The following CAV1 variants were observed in gnomAD, a reference collection of about 807,000 sequenced individuals.
CAV1 encodes the protein caveolin-1.
CAV1 carries 10 observed loss-of-function variants against 16.5 expected under a neutral mutation model. That is an observed-to-expected ratio of 0.61 (90% confidence interval 0.37 to 1.03). CAV1 has a LOEUF of 1.03. Among genes scored for constraint, CAV1 ranks in the 50% least tolerant of loss-of-function variants. The pLI is 0.01. For synonymous variants in CAV1, 76 were observed against 85.1 expected (o/e 0.89, Z 0.59); for missense variants, 212 against 232.8 (o/e 0.91, Z 0.58).
rs1793525174 is a variant in CAV1, at chr7:116,525,052, C to G, written c.-11C>G. On this transcript the variant is annotated 5_prime_UTR_variant, in exon 1 of 3. Transcript: ENST00000341049. ...AACCTCCTCACAGTTTTCATCCAGC[C>G]ACGGGCCAGCATGTCTGGGGGCAAA... The G allele has an allele frequency of 1.2e-6, 2 of 1,614,098 alleles. No individual in the cohort carries two copies. Among genetic ancestry groups the G allele is most frequent in the Non-Finnish European group, 1.7e-6 (2 of 1,180,040 alleles).
intron 2 of CAV1, among the ~76,000 whole-genome samples, chr7:116,537,602 T>G (rs4730750): frequency 0.019 from 2,900 of 152,298 alleles, 45 homozygotes; most frequent in Admixed American, 0.031. Flanking sequence ...ACCACTGTCC[T>G]CCAGTGCCTC....
At chr7:116,541,751 CT>C (rs1353928011) in intron 2 of CAV1, among the ~76,000 whole-genome samples, 92 of 33,858 alleles carry the variant, frequency 2.7e-3, no homozygotes, top group African/African-American at 0.011. Context: ...GAGAGCCTGC[CT>C]CAAAAAAAAA....
chr7:116,551,141 A>AC (rs1371147028), intron 2 of CAV1, among the ~76,000 whole-genome samples: 1 of 152,162 alleles, frequency 6.6e-6, no homozygotes, highest in African/African-American at 2.4e-5. Flanking sequence ...CCCAGGCCCC[A>AC]CCCCAAAGAG....
chr7:116,525,632 G>A (rs1793541400), intron 1 of CAV1: 1 of 1,120,344 alleles, frequency 8.9e-7, no homozygotes, highest in Admixed American at 4.6e-5. Flanking sequence ...TGGCAGGGGT[G>A]TTCCGAGAGA....
intron 2 of CAV1, among the ~76,000 whole-genome samples, chr7:116,556,213 A>G (rs1215760829): frequency 2.6e-5 from 4 of 152,224 alleles, no homozygotes; most frequent in Non-Finnish European, 5.9e-5. Context: ...GCTTAGAAAA[A>G]TAGAATTATT....
intron 1 of CAV1, 157 bp downstream of exon 1, chr7:116,525,249 C>A (rs750761097): frequency 1.2e-6 from 2 of 1,605,448 alleles, no homozygotes; most frequent in Non-Finnish European, 1.7e-6. Flanking sequence ...TGGGCCTGGG[C>A]GGGGAGGTGA....
intron 2 of CAV1, among the ~76,000 whole-genome samples, chr7:116,550,245 T>C (rs1794130942): frequency 6.6e-6 from 1 of 152,168 alleles, no homozygotes; most frequent in African/African-American, 2.4e-5. Context: ...CCCACATTTT[T>C]GCCCTCTTCC....
chr7:116,529,807 CA>C (rs561579747), intron 2 of CAV1, among the ~76,000 whole-genome samples: 28 of 152,246 alleles, frequency 1.8e-4, no homozygotes, highest in African/African-American at 6.5e-4. Context: ...GACATTTACC[CA>C]AAAATATTAA....
intron 2 of CAV1, among the ~76,000 whole-genome samples, chr7:116,555,518 A>AAG (rs1187575266): frequency 0.013 from 181 of 14,040 alleles, 48 homozygotes; most frequent in Admixed American, 0.02. Context: ...GAAAGAAAGA[A>AAG]AGAGAGAGAG....
intron 2 of CAV1, among the ~76,000 whole-genome samples, chr7:116,556,593 A>C (rs1032139092): frequency 6.6e-6 from 1 of 152,206 alleles, no homozygotes; most frequent in Non-Finnish European, 1.5e-5. Context: ...AAATGAGAAC[A>C]GTGTCTGATC....
At chr7:116,547,528 G>C (rs1347800674) in intron 2 of CAV1, among the ~76,000 whole-genome samples, 3 of 152,154 alleles carry the variant, frequency 2.0e-5, no homozygotes, top group African/African-American at 4.8e-5. Flanking sequence ...CATCTCCCTG[G>C]GGTACATTTG....
chr7:116,531,512 G>T (rs1793685777), intron 2 of CAV1, among the ~76,000 whole-genome samples: 1 of 152,140 alleles, frequency 6.6e-6, no homozygotes, highest in African/African-American at 2.4e-5. Context: ...AGCAATTGGT[G>T]ATTAATATCA....
intron 2 of CAV1, among the ~76,000 whole-genome samples, chr7:116,536,246 G>A (rs1793811192): frequency 6.6e-6 from 1 of 152,048 alleles, no homozygotes; most frequent in African/African-American, 2.4e-5. Flanking sequence ...TATGGACTGG[G>A]CTGCGATATC....
At chr7:116,547,744 A>G (rs565878348) in intron 2 of CAV1, among the ~76,000 whole-genome samples, 2 of 152,124 alleles carry the variant, frequency 1.3e-5, no homozygotes, top group African/African-American at 4.8e-5. Flanking sequence ...ACACCTCTCC[A>G]CTTCCGGTTG....
chr7:116,554,986 A>G (rs1014456433), intron 2 of CAV1, among the ~76,000 whole-genome samples: 3 of 152,198 alleles, frequency 2.0e-5, no homozygotes, highest in African/African-American at 7.2e-5. Context: ...CCCCGGCAGT[A>G]TTCTCATCTG....
chr7:116,526,822 A>G, intron 2 of CAV1, 133 bp downstream of exon 2: 1 of 1,057,274 alleles, frequency 9.5e-7, no homozygotes, highest in Non-Finnish European at 1.4e-6. Flanking sequence ...ACACACACAC[A>G]GAGTTTTGTG....
chr7:116,534,962 C>T (rs1272475653), intron 2 of CAV1, among the ~76,000 whole-genome samples: 1 of 152,104 alleles, frequency 6.6e-6, no homozygotes, highest in Non-Finnish European at 1.5e-5. Flanking sequence ...AGTTTTGAAA[C>T]ACTGTGGAGG....
intron 2 of CAV1, among the ~76,000 whole-genome samples, chr7:116,541,737 G>C (rs1444241325): frequency 1.5e-5 from 2 of 137,300 alleles, no homozygotes; most frequent in Admixed American, 1.5e-4. Flanking sequence ...CTGGGCAACC[G>C]AGTGAGAGCC....
At chr7:116,544,370 A>T (rs1584778210) in intron 2 of CAV1, among the ~76,000 whole-genome samples, 1 of 152,170 alleles carries the variant, frequency 6.6e-6, no homozygotes, top group African/African-American at 2.4e-5. Context: ...AGTATTCACT[A>T]ATTCATTCAT....
Sources: allele counts gnomAD v4.1 joint callset (sites outside exome capture counted in the v4.1 genomes callset), GRCh38; gene constraint gnomAD v4.1.1; transcripts MANE v1.5; gene names NCBI Gene and HGNC (gene_info 2026-07-23, HGNC 2026-07-21).